The following MSS51 variants were observed in gnomAD, a reference collection of about 807,000 sequenced individuals.
MSS51 encodes putative protein MSS51 homolog, mitochondrial.
In MSS51, 32 loss-of-function variants were observed where a neutral mutation model predicts 40.2. The observed-to-expected ratio is 0.80, with a 90% CI of 0.60 to 1.07. The LOEUF (loss-of-function observed/expected upper bound fraction) is 1.07. MSS51 is among the 50% of genes least tolerant of loss of function. The pLI is 0.00. For synonymous variants in MSS51, 178 were observed against 214.2 expected (o/e 0.83, Z 1.48); for missense variants, 518 against 568.9 (o/e 0.91, Z 0.91).
chr10:73,428,034 T>C (rs1211263494), intron 2 of MSS51, 30 bp downstream of exon 2: 3 of 1,597,478 alleles, frequency 1.9e-6, no homozygotes, highest in African/African-American at 2.7e-5. Context: ...AGAGACAATA[T>C]ATCCCTTTTC....
chr10:73,429,611 A>G (rs1442099171), intron 1 of MSS51: 1 of 456,710 alleles, frequency 2.2e-6, no homozygotes, highest in Non-Finnish European at 4.4e-6. Flanking sequence ...AAGTAAGCCT[A>G]CACTCAGTCA....
chr10:73,433,395 AC>A (rs1274596778), intron 1 of MSS51, 117 bp downstream of exon 1: 2 of 152,198 alleles, frequency 1.3e-5, no homozygotes, highest in Non-Finnish European at 2.9e-5. Flanking sequence ...CATTAAGGAC[AC>A]TGTAATTATG....
intron 1 of MSS51, among the ~76,000 whole-genome samples, chr10:73,428,538 G>A (rs2056006565): frequency 6.6e-6 from 1 of 152,078 alleles, no homozygotes; most frequent in Non-Finnish European, 1.5e-5. Flanking sequence ...TGCCGCCCAG[G>A]CTGGAGTACA....
intron 1 of MSS51, among the ~76,000 whole-genome samples, chr10:73,429,114 G>A (rs2056010600): frequency 6.6e-6 from 1 of 152,110 alleles, no homozygotes; most frequent in Admixed American, 6.5e-5. Context: ...GCTGAGGCAG[G>A]AGAACTGCTT....
At chr10:73,429,154 C>T (rs1373300530) in intron 1 of MSS51, among the ~76,000 whole-genome samples, 4 of 151,758 alleles carry the variant, frequency 2.6e-5, no homozygotes, top group Admixed American at 6.6e-5. Context: ...TGCGGTGAGC[C>T]GAGATCGCAC....
rs759521811 is a variant in MSS51, at chr10:73,424,518, ACT to A, written c.*33_*34del. 6.6e-7 allele frequency: 1 copy of A among 1,525,486 alleles called. No individual in the cohort carries two copies. Among genetic ancestry groups the A allele is most frequent in the Non-Finnish European group, 9.1e-7 (1 of 1,100,760 alleles). The allele number at this position is 1,525,486 out of a possible 1,614,324, so 94.5% of individuals were successfully genotyped here. ...CATTAGCAGGGTAATTTCATCACAA[ACT>A]CCCCGTTTTCCAGATGTCCAGTTAT... On this transcript the variant is annotated 3_prime_UTR_variant, in exon 7 of 7. Coordinates refer to ENST00000299432, the MANE Select transcript of MSS51 (RefSeq NM_001024593.2).
chr10:73,424,731 A>G lies in MSS51; in HGVS notation c.1205T>C (p.Leu402Pro), dbSNP rs780235340. Residue 402 changes from leucine (L) to proline (P), a missense_variant, in exon 7 of 7, where the codon CTG (leucine) becomes CCG (proline). Physicochemically the swap from Leu to Pro is moderately conservative, Grantham distance 98 (BLOSUM62 -3). Coordinates refer to ENST00000299432, the MANE Select transcript of MSS51 (RefSeq NM_001024593.2). ...LVSSLQILVE[L>P]DTHITAFGSN... ...CCCAAAGGCAGTGATGTGTGTATCC[A>G]GTTCCACCAGAATCTGCAAAGAGGA... 1.9e-6 allele frequency: 3 copies of G among 1,614,210 alleles called. No homozygotes were observed. The highest frequency in any genetic ancestry group is 8.5e-7 in the Non-Finnish European group (1 of 1,180,020).
intron 1 of MSS51, 71 bp from the exon 2 acceptor site, chr10:73,428,372 T>C (rs1196417789): frequency 8.5e-7 from 1 of 1,176,316 alleles, no homozygotes; most frequent in Non-Finnish European, 1.2e-6. Flanking sequence ...TATTTTCATA[T>C]GCTTGACCTT....
At chr10:73,427,137 C>T (rs2055995250) in intron 3 of MSS51, among the ~76,000 whole-genome samples, 1 of 151,958 alleles carries the variant, frequency 6.6e-6, no homozygotes, top group African/African-American at 2.4e-5. Context: ...CCAATAACAC[C>T]AAAAATAAGC....
At chr10:73,427,212 G>A (rs1417263592) in intron 3 of MSS51, among the ~76,000 whole-genome samples, 2 of 150,188 alleles carry the variant, frequency 1.3e-5, no homozygotes, top group Admixed American at 1.3e-4. Context: ...TAAGTCTTAG[G>A]TTATTTTGAA....
chr10:73,426,435 CCT>C (rs2055988990), intron 4 of MSS51, 58 bp from the exon 5 acceptor site: 2 of 1,578,552 alleles, frequency 1.3e-6, no homozygotes, highest in African/African-American at 2.7e-5. Context: ...AAAATTTCCC[CCT>C]CACTAATGAT....
At chr10:73,429,031 C>T (rs2056010107) in intron 1 of MSS51, among the ~76,000 whole-genome samples, 1 of 151,434 alleles carries the variant, frequency 6.6e-6, no homozygotes, top group Non-Finnish European at 1.5e-5. Context: ...ATGGTGAAAC[C>T]CCATCTGTAC....
rs972041530 is a variant in MSS51 at position 73,426,363 on chromosome 10, G to A, written c.517C>T (p.Pro173Ser). Residue 173 changes from proline (P) to serine (S), a missense_variant, in exon 5 of 7, where the codon CCC (proline) becomes TCC (serine). Pro to Ser is a moderately conservative substitution (Grantham distance 74). Transcript: ENST00000299432. ...GGTGGCCATGGCCAAGGTCCTGAGG[G>A]TAGAACAAAATCACCTGTAGGAAAG... Reference protein sequence around the residue: ...WLLVTGDFVLPSGPWPWPPEA... With the variant: ...WLLVTGDFVLSSGPWPWPPEA... 5.6e-6 allele frequency: 9 copies of A among 1,601,468 alleles called. No homozygotes were observed. The highest frequency in any genetic ancestry group is 3.3e-5 in the Admixed American group (2 of 59,896).
intron 1 of MSS51, among the ~76,000 whole-genome samples, chr10:73,429,011 C>T (rs967416046): frequency 2.6e-5 from 4 of 151,426 alleles, no homozygotes; most frequent in Non-Finnish European, 5.9e-5. Flanking sequence ...TCAAGACCAG[C>T]CTGGCCAACA....
At chr10:73,430,182 T>C (rs1276323576) in intron 1 of MSS51, among the ~76,000 whole-genome samples, 1 of 152,134 alleles carries the variant, frequency 6.6e-6, no homozygotes, top group African/African-American at 2.4e-5. Flanking sequence ...GAAAGGTTCA[T>C]GACATAGGTT....
chr10:73,430,564 G>A (rs1761122810), intron 1 of MSS51, among the ~76,000 whole-genome samples: 1 of 151,338 alleles, frequency 6.6e-6, no homozygotes. Context: ...ACCACAGTGA[G>A]ATATTACTTC....
chr10:73,431,340 G>A lies in MSS51; in HGVS notation c.-18+2173C>T, dbSNP rs557902735. ...AGGAAGGTATTCATAGAGATTGAGA[G>A]GCTAAAAAGTTATTAATCCCCAGAT... On this transcript the variant is annotated intron_variant, in intron 1 of 6. Transcript: ENST00000299432. 1.6e-4 allele frequency among the ~76,000 whole-genome samples: 24 copies of A among 152,276 alleles called. No homozygotes were observed. In the South Asian group the frequency reaches 5.0e-3, roughly 32 times the overall value.
chr10:73,427,969 A>G, intron 2 of MSS51, 95 bp downstream of exon 2: 2 of 1,256,282 alleles, frequency 1.6e-6, no homozygotes, highest in Non-Finnish European at 2.2e-6. Flanking sequence ...TATTGCAAAT[A>G]CTCCATATTC....
chr10:73,426,817 G>A, intron 3 of MSS51, 86 bp from the exon 4 acceptor site: 1 of 1,486,660 alleles, frequency 6.7e-7, no homozygotes, highest in Non-Finnish European at 9.2e-7. Context: ...CTGCACCTAG[G>A]ATGGTGAATG....
Sources: gnomAD v4.1 joint callset for allele counts (sites outside exome capture counted in the v4.1 genomes callset) on GRCh38, gnomAD v4.1.1 for gene constraint, MANE v1.5 for transcripts, NCBI Gene and HGNC (gene_info 2026-07-23, HGNC 2026-07-21) for gene names.